The following MPPED2 variants were observed in gnomAD, a reference collection of about 807,000 sequenced individuals.
MPPED2 encodes metallophosphoesterase MPPED2.
MPPED2 carries 5 observed loss-of-function variants against 33.0 expected under a neutral mutation model. The ratio of observed to expected loss-of-function variants is 0.15; its 90% CI spans 0.08 to 0.32. The LOEUF (loss-of-function observed/expected upper bound fraction) is 0.32, where lower values mean the gene tolerates loss of function less well. Among genes scored for constraint, MPPED2 ranks in the 10% least tolerant of loss-of-function variants. MPPED2 has a pLI of 1.00. For synonymous variants in MPPED2, 136 were observed against 141.9 expected, an observed-to-expected ratio of 0.96 and a Z score of 0.29; for missense variants, 275 against 372.1, an observed-to-expected ratio of 0.74 and a Z score of 2.15.
At chr11:30,423,112 G>A (rs538674210) in intron 4 of MPPED2, among the ~76,000 whole-genome samples, 8 of 152,300 alleles carry the variant, frequency 5.3e-5, no homozygotes, top group Admixed American at 4.6e-4. Context: ...TACACAGTAC[G>A]GTGGTGCAGG....
intron 6 of MPPED2, among the ~76,000 whole-genome samples, chr11:30,402,534 G>T (rs1017431089): frequency 6.6e-6 from 1 of 152,150 alleles, no homozygotes; most frequent in African/African-American, 2.4e-5. Flanking sequence ...CCTGAGATCA[G>T]AGAGACAAAT....
chr11:30,449,657 A>G (rs992834810), intron 4 of MPPED2, among the ~76,000 whole-genome samples: 1 of 152,154 alleles, frequency 6.6e-6, no homozygotes, highest in African/African-American at 2.4e-5. Flanking sequence ...AAAAGAAAGA[A>G]TCAGCAGATA....
chr11:30,411,147 A>G lies in MPPED2; in HGVS notation c.*321T>C. ...TTCTTATTTTTTTTTCTTTCAGCTT[A>G]AAGCATATTAAAATAAGACTTTTAT... On this transcript the variant is annotated 3_prime_UTR_variant, in exon 7 of 7. Transcript: ENST00000358117. 9.9e-7 allele frequency: 1 copy of G among 1,008,528 alleles called. No homozygotes were observed. Among genetic ancestry groups the G allele is most frequent in the Non-Finnish European group, 1.2e-6 (1 of 844,420 alleles). 62.5% of individuals were successfully genotyped at this position (1,008,528 alleles called of 1,614,324 possible).
intron 4 of MPPED2, among the ~76,000 whole-genome samples, chr11:30,458,780 G>A (rs1950387946): frequency 6.6e-6 from 1 of 152,180 alleles, no homozygotes; most frequent in South Asian, 2.1e-4. Flanking sequence ...AACAAGCACT[G>A]AGGTCAAAGC....
chr11:30,583,934 C>T (rs1420111313), intron 1 of MPPED2, among the ~76,000 whole-genome samples: 1 of 152,188 alleles, frequency 6.6e-6, no homozygotes, highest in Non-Finnish European at 1.5e-5. Flanking sequence ...CCCTCTGCCG[C>T]GCAGATCCAG....
intron 3 of MPPED2, among the ~76,000 whole-genome samples, chr11:30,532,561 T>A (rs2134456726): frequency 6.6e-6 from 1 of 152,288 alleles, no homozygotes; most frequent in African/African-American, 2.4e-5. Flanking sequence ...AGTATGAGCT[T>A]TATCACAGAG....
At chr11:30,403,117 G>A (rs1947933649) in intron 6 of MPPED2, among the ~76,000 whole-genome samples, 1 of 152,108 alleles carries the variant, frequency 6.6e-6, no homozygotes, top group Non-Finnish European at 1.5e-5. Flanking sequence ...CATGGTGGCG[G>A]GCAGCTGTAG....
chr11:30,564,018 T>A (rs1402545486), intron 2 of MPPED2, among the ~76,000 whole-genome samples: 1 of 152,192 alleles, frequency 6.6e-6, no homozygotes, highest in African/African-American at 2.4e-5. Flanking sequence ...GAGAAACAAC[T>A]GGGAAAAGGA....
chr11:30,421,488 A>C (rs1948611512), intron 4 of MPPED2, among the ~76,000 whole-genome samples: 2 of 150,346 alleles, frequency 1.3e-5, no homozygotes, highest in Admixed American at 6.6e-5. Context: ...AAAAAAAAAA[A>C]CATTTATCAT....
downstream of MPPED2, among the ~76,000 whole-genome samples, chr11:30,406,849 AG>A (rs1947997229): frequency 6.6e-6 from 1 of 152,326 alleles, no homozygotes; most frequent in African/African-American, 2.4e-5. Flanking sequence ...AATCCTTAAA[AG>A]TAGATCTTAA....
intron 4 of MPPED2, among the ~76,000 whole-genome samples, chr11:30,442,005 T>C (rs1469132307): frequency 1.3e-5 from 2 of 152,212 alleles, no homozygotes; most frequent in Non-Finnish European, 2.9e-5. Context: ...AATAAAAAGT[T>C]CAGTTTGTTG....
At chr11:30,480,299 C>G (rs1045030120) in intron 4 of MPPED2, among the ~76,000 whole-genome samples, 1 of 152,002 alleles carries the variant, frequency 6.6e-6, no homozygotes, top group African/African-American at 2.4e-5. Context: ...GAACTAGAAC[C>G]TTTTAAATGC....
chr11:30,481,240 C>T (rs776826489), intron 4 of MPPED2, among the ~76,000 whole-genome samples: 22 of 151,990 alleles, frequency 1.4e-4, no homozygotes, highest in Non-Finnish European at 2.9e-4. Flanking sequence ...TCAACTGCAC[C>T]GTGCAGTTTA....
intron 6 of MPPED2, among the ~76,000 whole-genome samples, chr11:30,403,262 A>G (rs886292991): frequency 2.0e-5 from 3 of 149,792 alleles, no homozygotes. Flanking sequence ...AAAAAAAAAG[A>G]AAAGAAAACA....
exon 7 of MPPED2, chr11:30,386,453 G>C (rs1284437901): frequency 3.4e-6 from 1 of 296,300 alleles, no homozygotes; most frequent in East Asian, 5.4e-5. Flanking sequence ...TTAGGGTGCT[G>C]CTTGAGAGGG....
chr11:30,453,265 C>A (rs997897923), intron 4 of MPPED2, among the ~76,000 whole-genome samples: 1 of 152,180 alleles, frequency 6.6e-6, no homozygotes, highest in African/African-American at 2.4e-5. Context: ...GACTCCACAC[C>A]TCTAAAGCGT....
At chr11:30,503,628 C>A (rs1269174425) in intron 3 of MPPED2, among the ~76,000 whole-genome samples, 1 of 152,090 alleles carries the variant, frequency 6.6e-6, no homozygotes, top group African/African-American at 2.4e-5. Flanking sequence ...GAAAGAGAGC[C>A]TCCAAAAGCA....
At chr11:30,544,786 G>A (rs547189513) in intron 2 of MPPED2, among the ~76,000 whole-genome samples, 6 of 152,314 alleles carry the variant, frequency 3.9e-5, no homozygotes, top group African/African-American at 1.4e-4. Flanking sequence ...AAGAAGGACA[G>A]GTAACATTGC....
chr11:30,555,108 A>C (rs1366834210), intron 2 of MPPED2, among the ~76,000 whole-genome samples: 2 of 152,122 alleles, frequency 1.3e-5, no homozygotes, highest in African/African-American at 4.8e-5. Context: ...TTATTTTCCT[A>C]ATGTTGGACT....
Sources: gnomAD v4.1 joint callset for allele counts (sites outside exome capture counted in the v4.1 genomes callset) on GRCh38, gnomAD v4.1.1 for gene constraint, MANE v1.5 for transcripts, NCBI Gene and HGNC (gene_info 2026-07-23, HGNC 2026-07-21) for gene names.